The following LYST variants were observed in gnomAD, a reference collection of about 807,000 sequenced individuals.
The protein encoded by LYST is lysosomal trafficking regulator.
In LYST, 192 loss-of-function variants were observed where a neutral mutation model predicts 413.6. The ratio of observed to expected loss-of-function variants is 0.46; its 90% confidence interval spans 0.41 to 0.52. The LOEUF is 0.52. Ranked by LOEUF, LYST falls within the 20% of genes least tolerant of loss-of-function variation. The pLI, the probability that LYST is intolerant of heterozygous loss-of-function variation, is 0.00. For missense variants in LYST, 3,815 were observed against 4,499.9 expected (o/e 0.85, Z 4.35); for synonymous variants, 1,525 against 1,567.3 (o/e 0.97, Z 0.64).
intron 28 of LYST, among the ~76,000 whole-genome samples, chr1:235,749,019 C>T (rs976362549): frequency 1.3e-5 from 2 of 152,140 alleles, no homozygotes; most frequent in African/African-American, 4.8e-5. Flanking sequence ...CCCCCTACCA[C>T]ACCTAAACAT....
In LYST at chr1:235,662,579, C is replaced by T. The variant is rs1397662891; in HGVS notation, c.*361G>A. 3.3e-6 allele frequency: 1 copy of T among 306,520 alleles called. No homozygotes were observed. Among genetic ancestry groups the T allele is most frequent in the African/African-American group, 2.2e-5 (1 of 45,928 alleles). 19.0% of individuals were successfully genotyped at this position (306,520 alleles called of 1,614,324 possible). On this transcript the variant is annotated 3_prime_UTR_variant, in exon 53 of 53. Transcript: ENST00000389793. ...TGTTTTATATAAACAATCAACCAAC[C>T]AATTTAAATTCTACTGGTCCTTTTG...
rs1471583012 is a variant in LYST at position 235,664,991 on chromosome 1, G to A, written c.11039-370C>T. ...ATATTTTTAGTAGAAATGGGTTTTT[G>A]CCATGTTGGCTAGGCTAGTCTTGAA... On this transcript the variant is annotated intron_variant, in intron 50 of 52. Transcript: ENST00000389793. The surrounding 1 kb of genome is among the most constrained non-coding windows in gnomAD (Gnocchi z 4.5). 1.3e-5 allele frequency among the ~76,000 whole-genome samples: 2 copies of A among 152,056 alleles called. No homozygotes were observed. The highest frequency in any genetic ancestry group is 3.4e-3 in the Middle Eastern group (1 of 294).
At chr1:235,711,490 TA>T (rs1662396733) in intron 43 of LYST, among the ~76,000 whole-genome samples, 1 of 152,170 alleles carries the variant, frequency 6.6e-6, no homozygotes, top group African/African-American at 2.4e-5. Context: ...TAGAATTAAG[TA>T]ATATAAGAAA....
upstream of LYST, among the ~76,000 whole-genome samples, chr1:235,871,729 T>A (rs1464824632): frequency 6.6e-6 from 1 of 152,328 alleles, no homozygotes; most frequent in East Asian, 1.9e-4. Context: ...TAGTCTCTAA[T>A]AAACTATCTT....
chr1:235,816,469 AT>A (rs1248363173), intron 3 of LYST, among the ~76,000 whole-genome samples: 16 of 115,214 alleles, frequency 1.4e-4, no homozygotes, highest in African/African-American at 6.8e-4. Flanking sequence ...AAAAATAAAA[AT>A]AAAAAAAAAA....
At chr1:235,780,329 A>C (rs1156792377) in intron 16 of LYST, among the ~76,000 whole-genome samples, 1 of 151,926 alleles carries the variant, frequency 6.6e-6, no homozygotes, top group Admixed American at 6.6e-5. Flanking sequence ...ATTTGAGCCC[A>C]GGAGTTCAAG....
At chr1:235,825,675 CA>C (rs1675246718) in intron 3 of LYST, among the ~76,000 whole-genome samples, 1 of 152,108 alleles carries the variant, frequency 6.6e-6, no homozygotes, top group African/African-American at 2.4e-5. Flanking sequence ...TGCAGAGAAA[CA>C]AACTAAAGAA....
intron 50 of LYST, among the ~76,000 whole-genome samples, chr1:235,676,857 C>T (rs571134152): frequency 2.0e-5 from 3 of 152,326 alleles, no homozygotes; most frequent in South Asian, 2.1e-4. Flanking sequence ...TGCAATTTTA[C>T]ATGTATCAGG....
In LYST at chr1:235,715,626, T is replaced by G. The variant is rs201424017; in HGVS notation, c.9628-269A>C. Among the ~76,000 whole-genome samples the G allele has an allele frequency of 2.0e-5, 3 of 152,122 alleles. No homozygotes were observed. The East Asian group carries it at 5.8e-4, about 29-fold the overall frequency. On this transcript the variant is annotated intron_variant, in intron 41 of 52. Coordinates refer to ENST00000389793, the MANE Select transcript of LYST (RefSeq NM_000081.4). ...TCCCTCATAGAAAACCTACCTAACT[T>G]TGAGCACTCCACCTCCTAACTAATG... is the stretch of plus-strand genomic sequence containing the variant.
intron 22 of LYST, among the ~76,000 whole-genome samples, chr1:235,762,472 A>G (rs1667689621): frequency 6.6e-6 from 1 of 152,192 alleles, no homozygotes; most frequent in African/African-American, 2.4e-5. Context: ...TTCTGAAGAA[A>G]ATGGTAAAAT....
In LYST at chr1:235,738,897, C is replaced by A. The variant is rs1399656340; in HGVS notation, c.8358+2525G>T. The A allele has an allele frequency of 1.1e-5, 8 of 737,192 alleles. No individual in the cohort carries two copies. In the Admixed American group the frequency reaches 1.4e-4, roughly 13 times the overall value. 45.7% of individuals were successfully genotyped at this position (737,192 alleles called of 1,614,324 possible). ...CTTGGGAGAGAATGGAATCTCAGAC[C>A]GTGTGAAGGTGACTCTGACTCCTGA... On this transcript the variant is annotated intron_variant, in intron 31 of 52. Transcript: ENST00000389793.
intron 50 of LYST, among the ~76,000 whole-genome samples, chr1:235,668,395 C>A (rs936172827): frequency 6.6e-6 from 1 of 151,938 alleles, no homozygotes; most frequent in Admixed American, 6.6e-5. Flanking sequence ...AATTATGTTC[C>A]CTATATACCA....
chr1:235,680,797 C>T (rs1234744270), intron 48 of LYST, among the ~76,000 whole-genome samples: 1 of 151,992 alleles, frequency 6.6e-6, no homozygotes, highest in Non-Finnish European at 1.5e-5. Flanking sequence ...AGAGGTTTCC[C>T]CATGTTGGCC....
chr1:235,777,020 A>C (rs1276165637), intron 17 of LYST, 43 bp downstream of exon 17: 42 of 1,565,854 alleles, frequency 2.7e-5, no homozygotes, highest in Non-Finnish European at 3.7e-5. Context: ...AATAATAAGT[A>C]AGTCATTTCT....
intron 20 of LYST, among the ~76,000 whole-genome samples, chr1:235,767,859 T>A (rs1265119634): frequency 6.6e-6 from 1 of 152,100 alleles, no homozygotes; most frequent in Non-Finnish European, 1.5e-5. Context: ...CTGCCTACAT[T>A]TTCTCTGAAC....
intron 3 of LYST, among the ~76,000 whole-genome samples, chr1:235,819,927 T>C (rs1674569707): frequency 6.6e-6 from 1 of 152,204 alleles, no homozygotes; most frequent in South Asian, 2.1e-4. Context: ...ATTACAGGCG[T>C]GAGCCACCGC....
rs1052764917 is a variant in LYST at position 235,726,383 on chromosome 1, A to G, written c.9162+1693T>C. On this transcript the variant is annotated intron_variant, in intron 38 of 52. Coordinates refer to ENST00000389793, the MANE Select transcript of LYST (RefSeq NM_000081.4). Reference sequence around the variant, plus strand: ...AATAAAATGTCTTAATGAAAATGTAATATTTTCATACTTAAAACTGAATTC... The same window carrying G: ...AATAAAATGTCTTAATGAAAATGTAGTATTTTCATACTTAAAACTGAATTC... Among the ~76,000 whole-genome samples the G allele has an allele frequency of 2.0e-5, 3 of 152,216 alleles. No homozygotes were observed. In the South Asian group the frequency reaches 6.2e-4, roughly 32 times the overall value.
intron 1 of LYST, among the ~76,000 whole-genome samples, chr1:235,836,070 C>T (rs1368333572): frequency 6.6e-6 from 1 of 152,142 alleles, no homozygotes; most frequent in African/African-American, 2.4e-5. Flanking sequence ...AAATGACCTC[C>T]TCAGAAAAAT....
intron 45 of LYST, among the ~76,000 whole-genome samples, chr1:235,701,811 G>A (rs951409008): frequency 9.2e-5 from 14 of 152,158 alleles, no homozygotes; most frequent in Non-Finnish European, 2.9e-5. Flanking sequence ...CCATATTAAT[G>A]CTTTAAAATT....
Sources: gnomAD v4.1 joint callset for allele counts (sites outside exome capture counted in the v4.1 genomes callset) on GRCh38, gnomAD v4.1.1 for gene constraint, Gnocchi (gnomAD v3.1) non-coding constraint, MANE v1.5 for transcripts, NCBI Gene and HGNC (gene_info 2026-07-23, HGNC 2026-07-21) for gene names.